The following GATAD2B variants were observed in gnomAD, a reference collection of about 807,000 sequenced individuals.
GATAD2B encodes the protein GATA zinc finger domain containing 2B, also known as transcriptional repressor p66-beta.
Under a neutral mutation model 64.3 loss-of-function variants are expected in GATAD2B, and 8 were observed. The ratio of observed to expected loss-of-function variants is 0.12; its 90% CI spans 0.07 to 0.22. The LOEUF (loss-of-function observed/expected upper bound fraction) is 0.22. GATAD2B is among the 10% of genes least tolerant of loss of function. The pLI, the probability that GATAD2B is intolerant of heterozygous loss-of-function variation, is 1.00. For synonymous variants in GATAD2B, 281 were observed against 271.3 expected (o/e 1.04, Z -0.35); for missense variants, 453 against 752.0 (o/e 0.60, Z 4.65).
At position 153,818,940 on chromosome 1, in the gene GATAD2B, C is replaced by CT. The variant is rs1390640483; in HGVS notation, c.466-19dup. 1.4e-5 allele frequency: 22 copies of CT among 1,606,050 alleles called. No individual in the cohort carries two copies. Among genetic ancestry groups the CT allele is most frequent in the Non-Finnish European group, 1.9e-5 (22 of 1,179,504 alleles). On this transcript the variant is annotated intron_variant, in intron 3 of 10. Coordinates refer to ENST00000368655, the MANE Select transcript of GATAD2B (RefSeq NM_020699.4). ...CCTTTCCCCTAAGGAAACAAGAAGA[C>CT]TTTCAGCTATGGCAGCAAGGTACCC...
intron 1 of GATAD2B, among the ~76,000 whole-genome samples, chr1:153,861,166 T>C (rs1253077264): frequency 6.6e-6 from 1 of 151,420 alleles, no homozygotes; most frequent in East Asian, 1.9e-4. Flanking sequence ...ATACAAGGAG[T>C]CTCAGAACTT....
At chr1:153,856,148 A>G (rs1676076420) in intron 1 of GATAD2B, among the ~76,000 whole-genome samples, 1 of 152,100 alleles carries the variant, frequency 6.6e-6, no homozygotes, top group Admixed American at 6.6e-5. Flanking sequence ...CTCCTTTAGG[A>G]CCCTTATGAT....
At chr1:153,908,439 G>A (rs1678013356) in intron 1 of GATAD2B, among the ~76,000 whole-genome samples, 1 of 151,834 alleles carries the variant, frequency 6.6e-6, no homozygotes, top group African/African-American at 2.4e-5. Flanking sequence ...CTAAACGGTG[G>A]AGCAGAAATT....
In GATAD2B at chr1:153,873,984, G is replaced by C. The variant is rs527699762; in HGVS notation, c.-1-45636C>G. Among the ~76,000 whole-genome samples the C allele has an allele frequency of 2.6e-5, 4 of 151,352 alleles. No individual in the cohort carries two copies. In the South Asian group the frequency reaches 6.3e-4, roughly 24 times the overall value. On this transcript the variant is annotated intron_variant, in intron 1 of 10. Transcript: ENST00000368655. ...GAAAGAAAGGTAGGGAGGGGACCGG[G>C]TGCGGTGGCTCATGCCTATAATCTC...
chr1:153,878,771 T>C (rs1676913504), intron 1 of GATAD2B, among the ~76,000 whole-genome samples: 1 of 130,880 alleles, frequency 7.6e-6, no homozygotes, highest in Non-Finnish European at 1.6e-5. Context: ...CCATACTTTA[T>C]TCCTTTTTTT....
chr1:153,833,972 C>G (rs1675173103), intron 1 of GATAD2B, among the ~76,000 whole-genome samples: 1 of 149,320 alleles, frequency 6.7e-6, no homozygotes, highest in Admixed American at 6.6e-5. Context: ...GACCCTGTCT[C>G]TCTCTCTTTT....
intron 1 of GATAD2B, among the ~76,000 whole-genome samples, chr1:153,865,640 A>G (rs894448563): frequency 1.4e-4 from 21 of 152,246 alleles, no homozygotes; most frequent in Admixed American, 1.2e-3. Flanking sequence ...ATTGTCTGCC[A>G]TAAGAATAAC....
At chr1:153,862,126 T>C in intron 1 of GATAD2B, among the ~76,000 whole-genome samples, 1 of 142,298 alleles carries the variant, frequency 7.0e-6, no homozygotes, top group East Asian at 2.0e-4. Flanking sequence ...TCCTTTTTTT[T>C]TTTTTTTTTT....
intron 1 of GATAD2B, among the ~76,000 whole-genome samples, chr1:153,832,076 G>A (rs1002959372): frequency 1.3e-5 from 2 of 152,186 alleles, no homozygotes; most frequent in Admixed American, 1.3e-4. Flanking sequence ...TTAGTCGGGT[G>A]TTGTGGCACA....
At chr1:153,909,450 T>C (rs898403932) in intron 1 of GATAD2B, among the ~76,000 whole-genome samples, 7 of 151,654 alleles carry the variant, frequency 4.6e-5, no homozygotes, top group African/African-American at 1.7e-4. Context: ...TCCACCCGCC[T>C]TGGCCTCCTA....
chr1:153,833,198 A>G (rs1266977055), intron 1 of GATAD2B, among the ~76,000 whole-genome samples: 1 of 152,256 alleles, frequency 6.6e-6, no homozygotes, highest in East Asian at 1.9e-4. Flanking sequence ...AGCCTGGACA[A>G]CATAGCAAGA....
chr1:153,805,635 C>G lies in GATAD2B; in HGVS notation c.*4542G>C, dbSNP rs900798950. ...TCAGTTCCTCCCTGGTTTCTGGGCC[C>G]AACACTTTCCTCACCTCAAGTTGTT... is the stretch of plus-strand genomic sequence containing the variant. On this transcript the variant is annotated 3_prime_UTR_variant, in exon 11 of 11. Transcript: ENST00000368655. The G allele has an allele frequency of 6.6e-6, 1 of 152,182 alleles. No individual in the cohort carries two copies. The highest frequency in any genetic ancestry group is 2.4e-5 in the African/African-American group (1 of 41,434). 9.4% of individuals were successfully genotyped at this position (152,182 alleles called of 1,614,324 possible).
intron 1 of GATAD2B, among the ~76,000 whole-genome samples, chr1:153,861,831 TA>T (rs1419882830): frequency 7.1e-6 from 1 of 141,340 alleles, no homozygotes; most frequent in Non-Finnish European, 1.5e-5. Flanking sequence ...TATATATGTA[TA>T]TGTATATATG....
At chr1:153,887,904 T>C (rs1373792023) in intron 1 of GATAD2B, among the ~76,000 whole-genome samples, 3 of 152,024 alleles carry the variant, frequency 2.0e-5, no homozygotes, top group African/African-American at 7.2e-5. Context: ...GTGGCCAACA[T>C]GGTGAAACCC....
At chr1:153,895,834 C>T (rs1677572730) in intron 1 of GATAD2B, among the ~76,000 whole-genome samples, 1 of 151,838 alleles carries the variant, frequency 6.6e-6, no homozygotes, top group African/African-American at 2.4e-5. Flanking sequence ...GACTTTTATA[C>T]CTCTGACTCT....
At chr1:153,913,638 G>A (rs1678168744) in intron 1 of GATAD2B, among the ~76,000 whole-genome samples, 1 of 152,198 alleles carries the variant, frequency 6.6e-6, no homozygotes, top group Non-Finnish European at 1.5e-5. Context: ...TCTGGCCTAA[G>A]CTGGGTGCTG....
At chr1:153,859,346 G>A (rs1426765782) in intron 1 of GATAD2B, among the ~76,000 whole-genome samples, 1 of 133,274 alleles carries the variant, frequency 7.5e-6, no homozygotes, top group Non-Finnish European at 1.6e-5. Flanking sequence ...CAGCCTGGGT[G>A]GCTGCAAGAC....
At chr1:153,852,149 T>A in intron 1 of GATAD2B, 1 of 736,978 alleles carries the variant, frequency 1.4e-6, no homozygotes, top group Admixed American at 2.2e-5. Context: ...CTCTTGTCCA[T>A]CTCTGCACTT....
intron 1 of GATAD2B, among the ~76,000 whole-genome samples, chr1:153,902,393 G>A (rs1332856899): frequency 1.3e-5 from 2 of 152,160 alleles, no homozygotes; most frequent in African/African-American, 2.4e-5. Flanking sequence ...TACTTAAGGG[G>A]TACTTGTTCC....
Sources: gnomAD v4.1 joint callset for allele counts (sites outside exome capture counted in the v4.1 genomes callset) on GRCh38, gnomAD v4.1.1 for gene constraint, MANE v1.5 for transcripts, NCBI Gene and HGNC (gene_info 2026-07-23, HGNC 2026-07-21) for gene names.